CCDC80: variants seen among roughly 807,000 people sequenced by gnomAD.
The protein encoded by CCDC80 is coiled-coil domain containing 80, also known as coiled-coil domain-containing protein 80.
CCDC80 carries 49 observed loss-of-function variants against 78.7 expected under a neutral mutation model. The ratio of observed to expected loss-of-function variants is 0.62; its 90% confidence interval spans 0.50 to 0.79. CCDC80 has a LOEUF of 0.79. Ranked by LOEUF, CCDC80 falls within the 30% of genes least tolerant of loss-of-function variation. The pLI is 0.00. For missense variants in CCDC80, 1,205 were observed against 1,198.6 expected, an observed-to-expected ratio of 1.01 and a Z score of -0.08; for synonymous variants, 488 against 447.0, an observed-to-expected ratio of 1.09 and a Z score of -1.16.
intron 3 of CCDC80, among the ~76,000 whole-genome samples, chr3:112,619,741 A>G (rs1017601146): frequency 5.3e-5 from 8 of 152,316 alleles, no homozygotes; most frequent in East Asian, 1.9e-4. Flanking sequence ...TGTTTTTTCA[A>G]TCATCAGCCT....
intron 2 of CCDC80, among the ~76,000 whole-genome samples, chr3:112,637,338 A>G (rs925436468): frequency 7.2e-5 from 11 of 152,306 alleles, no homozygotes; most frequent in African/African-American, 2.6e-4. Context: ...GGCTCTTCCT[A>G]GTAGCTGGAT....
rs377046843 is a variant in CCDC80 at position 112,637,097 on chromosome 3, AGTTGC to A, written c.1878+926_1878+930del. 2.2e-4 allele frequency among the ~76,000 whole-genome samples: 34 copies of A among 152,306 alleles called. No homozygotes were observed. In the East Asian group the frequency reaches 3.5e-3, roughly 16 times the overall value. ...GTGGCAAGTGATGGCCAAAACAGAG[AGTTGC>A]TGAGATGAATCTGTGCCTTACTCAA... On this transcript the variant is annotated intron_variant, in intron 2 of 7. Coordinates refer to ENST00000206423, the MANE Select transcript of CCDC80 (RefSeq NM_199511.3).
At chr3:112,614,875 A>T (rs1280463163) in intron 5 of CCDC80, among the ~76,000 whole-genome samples, 2 of 152,224 alleles carry the variant, frequency 1.3e-5, no homozygotes. Context: ...AAAGTTACTT[A>T]ATCTCCATTG....
Position 112,605,303 on chromosome 3 carries a change from A to G in CCDC80, c.*114T>C. 4 of 670,340 alleles carry G rather than the reference A, an allele frequency of 6.0e-6. No individual in the cohort carries two copies. Among genetic ancestry groups the G allele is most frequent in the Non-Finnish European group, 9.9e-6 (4 of 402,972 alleles). 41.5% of individuals were successfully genotyped at this position (670,340 alleles called of 1,614,324 possible). A position where few individuals can be genotyped will look rare whatever the true frequency, so the allele number is the denominator to read the frequency against. On this transcript the variant is annotated 3_prime_UTR_variant, in exon 8 of 8. Coordinates refer to ENST00000206423, the MANE Select transcript of CCDC80 (RefSeq NM_199511.3). The stretch of plus-strand genomic sequence containing the variant: ...GCTATTTATTTAGTCTTAGAAAAAC[A>G]CTGAAAGAAAAAGGCAGGAAATGTA...
Position 112,639,543 on chromosome 3 carries a change from C to T in CCDC80, c.363G>A (p.Glu121=). 6.2e-7 allele frequency: 1 copy of T among 1,614,166 alleles called. No individual in the cohort carries two copies. Among genetic ancestry groups the T allele is most frequent in the Non-Finnish European group, 8.5e-7 (1 of 1,180,034 alleles). ...ACATTCTTGACCGAGCTGAGGACCC[C>T]TCATCTCTGATCATCTCACGCGGAG... ...RGSPREMIRD[E]GSSARSRMLR... is the part of the protein sequence containing the mutation. Residue 121 remains glutamate, a synonymous_variant, in exon 2 of 8, where the codon GAG becomes GAA. Transcript: ENST00000206423.
Position 112,605,432 on chromosome 3 carries a change from ATGG to A in CCDC80, c.2835_2837del (p.His946del), listed in dbSNP as rs779757130. The A allele has an allele frequency of 5.0e-6, 8 of 1,612,640 alleles. No individual in the cohort carries two copies. The highest frequency in any genetic ancestry group is 1.6e-4 in the Middle Eastern group (1 of 6,080). Reference sequence around the variant, plus strand: ...ATATTTCTGCTCAGTAAGGGTATCCATGGTGATAACTCTCATGATGACGGTAGT... The same window carrying A: ...ATATTTCTGCTCAGTAAGGGTATCCATGATAACTCTCATGATGACGGTAGT... On this transcript the variant is annotated inframe_deletion, in exon 8 of 8. Coordinates refer to ENST00000206423, the MANE Select transcript of CCDC80 (RefSeq NM_199511.3).
At position 112,596,839 on chromosome 3, in the gene CCDC80, A is replaced by G. The variant is rs1296763342; in HGVS notation, c.*8578T>C. On this transcript the variant is annotated 3_prime_UTR_variant, in exon 8 of 8. Transcript: ENST00000206423. ...TTACAGGCAAAGGATATAGTACAAG[A>G]AGAAAAAGAGAATACAGATGACATC... The G allele has an allele frequency of 6.6e-6, 1 of 152,136 alleles. No individual in the cohort carries two copies. The highest frequency in any genetic ancestry group is 2.4e-5 in the African/African-American group (1 of 41,440). The allele number at this position is 152,136 out of a possible 1,614,324, so 9.4% of individuals were successfully genotyped here.
rs1935379204 is a variant in CCDC80 at position 112,601,697 on chromosome 3, GAGAAAAAA to G, written c.*3712_*3719del. On this transcript the variant is annotated 3_prime_UTR_variant, in exon 8 of 8. Transcript: ENST00000206423. ...CTCTCCAAAAAAAGAAAAAAAAAAA[GAGAAAAAA>G]AAGAAGCAGCAGCAACGAAAGGAGG... 4 of 46,168 alleles carry G rather than the reference GAGAAAAAA, an allele frequency of 8.7e-5. No homozygotes were observed. The South Asian group carries it at 3.8e-3, about 44-fold the overall frequency. The allele number at this position is 46,168 out of a possible 1,614,324, so 2.9% of individuals were successfully genotyped here.
chr3:112,638,395 T>A lies in CCDC80; in HGVS notation c.1511A>T (p.Asn504Ile). Residue 504 changes from asparagine to isoleucine, a missense_variant, in exon 2 of 8, where the codon AAT (asparagine) becomes ATT (isoleucine). Coordinates refer to ENST00000206423, the MANE Select transcript of CCDC80 (RefSeq NM_199511.3). ...GAGGTCATACTTCTCCTCATACTCA[T>A]TACTAAGAATTTTGTCCTGGGCCTT... ...KKKAQDKILS[N>I]EYEEKYDLSR... The A allele has an allele frequency of 1.2e-6, 2 of 1,614,004 alleles. No individual in the cohort carries two copies. Among genetic ancestry groups the A allele is most frequent in the Non-Finnish European group, 1.7e-6 (2 of 1,180,002 alleles).
chr3:112,626,009 A>T (rs887614304), intron 3 of CCDC80, among the ~76,000 whole-genome samples: 1 of 152,156 alleles, frequency 6.6e-6, no homozygotes, highest in African/African-American at 2.4e-5. Context: ...ACCTTATCTG[A>T]TGACTACAAT....
At position 112,638,157 on chromosome 3, in the gene CCDC80, G is replaced by T; in HGVS notation, c.1749C>A (p.Ser583Arg). Residue 583 changes from serine to arginine, a missense_variant, in exon 2 of 8, where the codon AGC becomes AGA. By Grantham distance (110) the Ser-to-Arg change is moderately radical (BLOSUM62 -1). Transcript: ENST00000206423. ...CTGTTTTACCTCCTTTTTTCTTCTT[G>T]CTCTTCTCTTTCTCTTGCTTGCTCT... The part of the protein sequence containing the change: ...EKKSKQEKEK[S>R]KKKKGGKTEQ... The T allele has an allele frequency of 6.2e-6, 10 of 1,613,768 alleles. No individual in the cohort carries two copies. The highest frequency in any genetic ancestry group is 8.5e-6 in the Non-Finnish European group (10 of 1,179,832).
chr3:112,605,198 C>A lies in CCDC80; in HGVS notation c.*219G>T. 1 of 442,184 alleles carries A rather than the reference C, an allele frequency of 2.3e-6. No homozygotes were observed. Among genetic ancestry groups the A allele is most frequent in the Non-Finnish European group, 4.0e-6 (1 of 252,698 alleles). The allele number at this position is 442,184 out of a possible 1,614,324, so 27.4% of individuals were successfully genotyped here. A position where few individuals can be genotyped will look rare whatever the true frequency, so the allele number is the denominator to read the frequency against. ...AGTACTATTATTTAGCACTAGAGCC[C>A]CTCCAGTTAGAAAAACAATTCTTTT... is the stretch of plus-strand genomic sequence containing the variant. On this transcript the variant is annotated 3_prime_UTR_variant, in exon 8 of 8. Coordinates refer to ENST00000206423, the MANE Select transcript of CCDC80 (RefSeq NM_199511.3).
At chr3:112,616,891 A>G in intron 4 of CCDC80, 33 bp from the exon 5 acceptor site, 1 of 1,602,248 alleles carries the variant, frequency 6.2e-7, no homozygotes, top group South Asian at 1.1e-5. Context: ...CATTTAATGT[A>G]CAAGTGCATT....
rs1936280580 is a variant in CCDC80, at chr3:112,639,072, G to A, written c.834C>T (p.Val278=). The change falls in exon 2 of 8, where the codon GTC becomes GTT. Residue 278 remains valine, a synonymous_variant. Transcript: ENST00000206423. The stretch of plus-strand genomic sequence containing the variant: ...CTACACCAGAGGCCTTACATTTCTG[G>A]ACAAAGCCCTTCTGCCTGATCTTCT... ...RIEKIRQKGF[V]QKCKASGVEG... is the part of the protein sequence containing the mutation. 8 of 1,613,164 alleles carry A rather than the reference G, an allele frequency of 5.0e-6. No individual in the cohort carries two copies. In the East Asian group the frequency reaches 1.1e-4, roughly 22 times the overall value.
At chr3:112,620,693 G>C (rs79892780) in intron 3 of CCDC80, among the ~76,000 whole-genome samples, 2 of 151,916 alleles carry the variant, frequency 1.3e-5, no homozygotes, top group Non-Finnish European at 2.9e-5. Flanking sequence ...TTTTAACAAG[G>C]AACATATTTT....
Position 112,639,710 on chromosome 3 carries a change from G to A in CCDC80, c.196C>T (p.Leu66=), listed in dbSNP as rs772897199. Residue 66 remains leucine, a synonymous_variant, in exon 2 of 8, where the codon CTG becomes TTG. Transcript: ENST00000206423. The part of the protein sequence containing the change: ...GRSRGIERST[L]EEPNLQPLQR... ...AGAGGCTGAAGGTTTGGTTCCTCCA[G>A]AGTGGATCTCTCAATTCCGCGAGAC... is the stretch of plus-strand genomic sequence containing the variant. 1.2e-6 allele frequency: 2 copies of A among 1,614,084 alleles called. No homozygotes were observed. Among genetic ancestry groups the A allele is most frequent in the East Asian group, 2.2e-5 (1 of 44,894 alleles).
At chr3:112,613,455 T>G (rs1366364246) in intron 5 of CCDC80, among the ~76,000 whole-genome samples, 2 of 152,066 alleles carry the variant, frequency 1.3e-5, no homozygotes, top group Non-Finnish European at 2.9e-5. Flanking sequence ...TAGGACCCCA[T>G]CTAGTACAAA....
At position 112,631,204 on chromosome 3, in the gene CCDC80, T is replaced by C. The variant is rs756544700; in HGVS notation, c.1879-935A>G. Among the ~76,000 whole-genome samples, 4 of 152,220 alleles carry C rather than the reference T, an allele frequency of 2.6e-5. No homozygotes were observed. In the South Asian group the frequency reaches 8.3e-4, roughly 32 times the overall value. On this transcript the variant is annotated intron_variant, in intron 2 of 7. Transcript: ENST00000206423. ...ACAAAAGCTTCTCTACTCTCTTGAT[T>C]AATTTAGCTGCCCTTCCCTGAGCCT...
At chr3:112,606,853 A>G (rs1165549397) in intron 7 of CCDC80, among the ~76,000 whole-genome samples, 1 of 152,214 alleles carries the variant, frequency 6.6e-6, no homozygotes, top group East Asian at 1.9e-4. Flanking sequence ...GAATTAAATG[A>G]TATAAAATAG....
Sources: gnomAD v4.1 joint callset for allele counts (sites outside exome capture counted in the v4.1 genomes callset) on GRCh38, gnomAD v4.1.1 for gene constraint, MANE v1.5 for transcripts, NCBI Gene and HGNC (gene_info 2026-07-23, HGNC 2026-07-21) for gene names.